ANKMY1: variants seen among roughly 807,000 people sequenced by gnomAD.
ANKMY1 encodes the protein ankyrin repeat and MYND domain containing 1.
In ANKMY1, 98 loss-of-function variants were observed where a neutral mutation model predicts 102.0. That is an observed-to-expected ratio of 0.96 (90% CI 0.82 to 1.14). The LOEUF is 1.14. Ranked by LOEUF, ANKMY1 falls within the 50% of genes most tolerant of loss-of-function variation. ANKMY1 has a pLI of 0.00. For missense variants in ANKMY1, 1,330 were observed against 1,347.6 expected (o/e 0.99, Z 0.20); for synonymous variants, 582 against 559.9 (o/e 1.04, Z -0.56).
At chr2:240,560,420 C>T (rs1054993191), upstream of ANKMY1, 5 of 359,486 alleles carry the variant, frequency 1.4e-5, no homozygotes, top group South Asian at 5.7e-4. Context: ...GGACAGAGAA[C>T]ATGGGACGCA....
rs1453544518 is a variant in ANKMY1, at chr2:240,520,073, G to T, written c.2004+289C>A. On this transcript the variant is annotated intron_variant, in intron 9 of 17. Transcript: ENST00000401804. This position sits in a 1 kb window ranked among gnomAD's most constrained non-coding sequence, Gnocchi z 4.8. ...AATATAAGTCTCCCCTTTCCAAGGG[G>T]CCTTCAGGATGCGCTTCCCCTTAGT... The T allele has an allele frequency of 1.1e-5, 7 of 613,852 alleles. No homozygotes were observed. In the African/African-American group the frequency reaches 1.3e-4, roughly 11 times the overall value. 38.0% of individuals were successfully genotyped at this position (613,852 alleles called of 1,614,324 possible).
chr2:240,482,132 C>G, intron 16 of ANKMY1, 51 bp downstream of exon 16: 1 of 1,595,516 alleles, frequency 6.3e-7, no homozygotes, highest in Non-Finnish European at 8.6e-7. Flanking sequence ...CAGCACTGTC[C>G]AAACCACAGG....
chr2:240,520,486 G>A lies in ANKMY1; in HGVS notation c.1880C>T (p.Ala627Val). The A allele has an allele frequency of 6.2e-7, 1 of 1,613,306 alleles. No homozygotes were observed. The highest frequency in any genetic ancestry group is 8.5e-7 in the Non-Finnish European group (1 of 1,179,744). ...RTIKLLLRRG[A>V]DPNLCCVPMQ... is the part of the protein sequence containing the mutation. Reference sequence around the variant, plus strand: ...GGGCACGCAGCACAGGTTGGGGTCCGCGCCCCGGCGCAGCAGCAGCTTGAT... The same window carrying A: ...GGGCACGCAGCACAGGTTGGGGTCCACGCCCCGGCGCAGCAGCAGCTTGAT... Residue 627 changes from alanine (A) to valine (V), a missense_variant, in exon 9 of 18, where the codon GCG (alanine) becomes GTG (valine). Physicochemically the swap from Ala to Val is moderately conservative, Grantham distance 64 (BLOSUM62 0). Coordinates refer to ENST00000401804, the MANE Select transcript of ANKMY1 (RefSeq NM_001282771.3). This position sits in a 1 kb window ranked among gnomAD's most constrained non-coding sequence, Gnocchi z 4.8.
At chr2:240,482,040 G>T (rs1032432200) in intron 16 of ANKMY1, 143 bp downstream of exon 16, 3 of 842,410 alleles carry the variant, frequency 3.6e-6, no homozygotes, top group Admixed American at 2.7e-5. Context: ...CTGCAAGCAG[G>T]ACTTCCTAGA....
chr2:240,536,210 A>G (rs774577584), intron 4 of ANKMY1, among the ~76,000 whole-genome samples: 1 of 152,250 alleles, frequency 6.6e-6, no homozygotes, highest in Non-Finnish European at 1.5e-5. Context: ...GAAAGAATAT[A>G]TATCATTAAA....
chr2:240,524,377 G>T lies in ANKMY1; in HGVS notation c.1340C>A (p.Pro447His). Residue 447 changes from proline (P) to histidine (H), a missense_variant, in exon 8 of 18, where the codon CCT (proline) becomes CAT (histidine). Physicochemically the swap from Pro to His is moderately conservative, Grantham distance 77. Transcript: ENST00000401804. Reference protein sequence around the residue: ...AERTIPEPQEPPKFPVVPILS... With the variant: ...AERTIPEPQEHPKFPVVPILS... The stretch of plus-strand genomic sequence containing the variant: ...GATTGGAACAACTGGGAATTTTGGA[G>T]GTTCCTTTGGAAAGAACCAAAAAAG... The T allele has an allele frequency of 6.3e-7, 1 of 1,588,902 alleles. No individual in the cohort carries two copies.
chr2:240,527,903 A>G (rs1038591616), intron 5 of ANKMY1: 4 of 152,226 alleles, frequency 2.6e-5, no homozygotes, highest in African/African-American at 9.6e-5. Flanking sequence ...ACTTATTCTC[A>G]GAAAATATGC....
intron 4 of ANKMY1, among the ~76,000 whole-genome samples, chr2:240,547,688 C>G (rs1442313766): frequency 6.7e-6 from 1 of 148,840 alleles, no homozygotes; most frequent in Non-Finnish European, 1.5e-5. Context: ...GATATCACCA[C>G]CGATCCCACA....
chr2:240,509,485 G>A (rs764308915), intron 11 of ANKMY1, 30 bp from the exon 12 acceptor site: 7 of 1,514,580 alleles, frequency 4.6e-6, no homozygotes, highest in Non-Finnish European at 3.6e-6. Flanking sequence ...AGGTTAGAGA[G>A]GCACCCCCAC....
intron 3 of ANKMY1, chr2:240,553,294 C>T (rs2091852781): frequency 5.5e-6 from 3 of 549,618 alleles, no homozygotes; most frequent in Non-Finnish European, 9.8e-6. Flanking sequence ...AGGTGGGGGA[C>T]TGTGGGGAGG....
Position 240,520,106 on chromosome 2 carries a change from A to C in ANKMY1, c.2004+256T>G. 1 of 691,600 alleles carries C rather than the reference A, an allele frequency of 1.4e-6. No homozygotes were observed. Among genetic ancestry groups the C allele is most frequent in the Non-Finnish European group, 2.7e-6 (1 of 374,436 alleles). The allele number at this position is 691,600 out of a possible 1,614,324, so 42.8% of individuals were successfully genotyped here. ...GATGCGCTTCCCCTTAGTTTGCTTC[A>C]ACACTGGGAAAAAAATCACACGGAT... is the stretch of plus-strand genomic sequence containing the variant. On this transcript the variant is annotated intron_variant, in intron 9 of 17. Coordinates refer to ENST00000401804, the MANE Select transcript of ANKMY1 (RefSeq NM_001282771.3). The surrounding 1 kb of genome is among the most constrained non-coding windows in gnomAD (Gnocchi z 4.8).
intron 15 of ANKMY1, among the ~76,000 whole-genome samples, chr2:240,490,175 G>A (rs935010072): frequency 5.3e-5 from 8 of 151,662 alleles, no homozygotes; most frequent in African/African-American, 1.9e-4. Flanking sequence ...CTCTCTTCTT[G>A]GTTAGTCTAG....
chr2:240,489,235 C>T (rs1197639882), intron 15 of ANKMY1, among the ~76,000 whole-genome samples: 1 of 152,102 alleles, frequency 6.6e-6, no homozygotes, highest in African/African-American at 2.4e-5. Flanking sequence ...AGGCAGATCA[C>T]CTGAGGTCAG....
intron 1 of ANKMY1, among the ~76,000 whole-genome samples, chr2:240,557,656 G>A (rs1219225838): frequency 6.6e-6 from 1 of 152,196 alleles, no homozygotes; most frequent in African/African-American, 2.4e-5. Flanking sequence ...ACCCACTATC[G>A]CCCAGGAGGC....
intron 15 of ANKMY1, among the ~76,000 whole-genome samples, chr2:240,498,403 G>T (rs28443480): frequency 0.13 from 20,341 of 151,320 alleles, 1,496 homozygotes; most frequent in Non-Finnish European, 0.16. Context: ...ATTGTGGTTG[G>T]GTGGGATGCG....
At chr2:240,550,107 G>C (rs1349189619) in intron 4 of ANKMY1, among the ~76,000 whole-genome samples, 1 of 151,702 alleles carries the variant, frequency 6.6e-6, no homozygotes, top group African/African-American at 2.4e-5. Context: ...CAAAGACTTG[G>C]AACCAACCCA....
At position 240,499,875 on chromosome 2, in the gene ANKMY1, C is replaced by CG; in HGVS notation, c.2806+82_2806+83insC. 9.5e-6 allele frequency: 14 copies of CG among 1,474,832 alleles called. No individual in the cohort carries two copies. Among genetic ancestry groups the CG allele is most frequent in the South Asian group, 5.5e-5 (4 of 72,820 alleles). 91.4% of individuals were successfully genotyped at this position (1,474,832 alleles called of 1,614,324 possible). The stretch of plus-strand genomic sequence containing the variant: ...GGCCCCTCCAAGAGCCCCAGGGGGT[C>CG]CAGATCTCCAGGGATAACAGCCCCA... On this transcript the variant is annotated intron_variant, in intron 15 of 17. Coordinates refer to ENST00000401804, the MANE Select transcript of ANKMY1 (RefSeq NM_001282771.3). The surrounding 1 kb of genome is among the most constrained non-coding windows in gnomAD (Gnocchi z 4.2).
At chr2:240,509,978 C>A (rs907474823) in intron 11 of ANKMY1, among the ~76,000 whole-genome samples, 2 of 147,592 alleles carry the variant, frequency 1.4e-5, no homozygotes, top group Non-Finnish European at 3.0e-5. Context: ...TCCCTGACTC[C>A]TCCCCTGTCC....
chr2:240,510,910 G>A (rs538571334), intron 11 of ANKMY1, among the ~76,000 whole-genome samples: 17 of 152,012 alleles, frequency 1.1e-4, no homozygotes, highest in East Asian at 5.8e-4. Context: ...CCCAGGCCTC[G>A]TCCTTCACGG....
Sources: allele counts gnomAD v4.1 joint callset (sites outside exome capture counted in the v4.1 genomes callset), GRCh38; gene constraint gnomAD v4.1.1; non-coding constraint Gnocchi (gnomAD v3.1); transcripts MANE v1.5; gene names NCBI Gene and HGNC (gene_info 2026-07-23, HGNC 2026-07-21).